Variants in RARB observed in about 807,000 individuals in gnomAD.
The protein encoded by RARB is retinoic acid receptor beta.
Under a neutral mutation model 51.9 loss-of-function variants are expected in RARB, and 17 were observed. The observed-to-expected ratio is 0.33, with a 90% CI of 0.22 to 0.49. The LOEUF is 0.49. RARB is among the 20% of genes least tolerant of loss of function. The pLI is 0.99. For synonymous variants in RARB, 215 were observed against 195.4 expected (o/e 1.10, Z -0.84); for missense variants, 369 against 550.8 (o/e 0.67, Z 3.30).
At position 25,428,845 on chromosome 3, in the gene RARB, T is replaced by C. The variant is rs1708085837; in HGVS notation, c.114T>C (p.Ser38=). 6.2e-7 allele frequency: 1 copy of C among 1,613,942 alleles called. No individual in the cohort carries two copies. Among genetic ancestry groups the C allele is most frequent in the Non-Finnish European group, 8.5e-7 (1 of 1,179,966 alleles). The change falls in exon 1 of 8, where the codon AGT becomes AGC. Residue 38 remains serine (S), a synonymous_variant. Transcript: ENST00000330688. ...AGAAAGCTCTCAAAGCATGCTTCAG[T>C]GGATTGACCCAAACCGAATGGCAGC... ...LQEKALKACF[S]GLTQTEWQHR...
Position 25,354,436 on chromosome 3 carries a change from T to C in RARB, c.179-106757T>C, listed in dbSNP as rs116195875. 3.4e-3 allele frequency among the ~76,000 whole-genome samples: 515 copies of C among 152,258 alleles called. 4 individuals are homozygous for C. The highest frequency in any genetic ancestry group is 0.011 in the African/African-American group (471 of 41,578). Reference sequence around the variant, plus strand: ...CTGTTCTTCTCGTTTCTAAAACTTATATCAACATCCTCTTGGACCCAGAAG... The same window carrying C: ...CTGTTCTTCTCGTTTCTAAAACTTACATCAACATCCTCTTGGACCCAGAAG... On this transcript the variant is annotated intron_variant, in intron 5 of 11. Coordinates refer to the RARB transcript ENST00000383772.
At chr3:25,383,302 G>A (rs1706684884) in intron 5 of RARB, among the ~76,000 whole-genome samples, 2 of 152,190 alleles carry the variant, frequency 1.3e-5, no homozygotes, top group Non-Finnish European at 2.9e-5. Flanking sequence ...CTCTCTGCCA[G>A]CCCACTGCAC....
intron 2 of RARB, among the ~76,000 whole-genome samples, chr3:24,937,668 A>G (rs1695574058): frequency 6.6e-6 from 1 of 152,132 alleles, no homozygotes; most frequent in South Asian, 2.1e-4. Context: ...GTTCAGGGAG[A>G]TAGCATCAAA....
chr3:25,404,071 C>T (rs1353071869), intron 5 of RARB, among the ~76,000 whole-genome samples: 1 of 151,958 alleles, frequency 6.6e-6, no homozygotes, highest in Admixed American at 6.6e-5. Flanking sequence ...CAGTGAAAAT[C>T]TTATTTAGAA....
At chr3:25,032,206 T>A (rs1200762169) in intron 2 of RARB, among the ~76,000 whole-genome samples, 1 of 152,218 alleles carries the variant, frequency 6.6e-6, no homozygotes, top group Admixed American at 6.5e-5. Context: ...TAAAATTGGA[T>A]TATAAAAGAC....
chr3:25,469,541 T>G (rs1695593524), intron 2 of RARB, among the ~76,000 whole-genome samples: 1 of 152,200 alleles, frequency 6.6e-6, no homozygotes, highest in African/African-American at 2.4e-5. Context: ...ATAAACTTCA[T>G]TACTATATTG....
At chr3:25,327,254 A>G (rs1371610292) in intron 5 of RARB, among the ~76,000 whole-genome samples, 1 of 152,204 alleles carries the variant, frequency 6.6e-6, no homozygotes, top group Non-Finnish European at 1.5e-5. Flanking sequence ...ATTTCCTGAG[A>G]ACTGAAGAAT....
intron 1 of RARB, among the ~76,000 whole-genome samples, chr3:24,850,757 G>A (rs543575499): frequency 2.0e-4 from 31 of 152,304 alleles, no homozygotes; most frequent in African/African-American, 7.5e-4. Flanking sequence ...AATCACCTGA[G>A]AGACTGTTCA....
intron 2 of RARB, among the ~76,000 whole-genome samples, chr3:24,861,474 C>T (rs1677405407): frequency 6.6e-6 from 1 of 151,712 alleles, no homozygotes; most frequent in South Asian, 2.1e-4. Context: ...TAATCAAGGA[C>T]CTCAAAGATC....
intron 5 of RARB, among the ~76,000 whole-genome samples, chr3:25,340,624 A>G (rs1344695317): frequency 6.6e-6 from 1 of 152,194 alleles, no homozygotes; most frequent in Non-Finnish European, 1.5e-5. Context: ...ATCTGGCTCT[A>G]CAAAGCAGGA....
chr3:25,105,054 A>G (rs28392950), intron 3 of RARB, among the ~76,000 whole-genome samples: 1 of 152,196 alleles, frequency 6.6e-6, no homozygotes, highest in Non-Finnish European at 1.5e-5. Flanking sequence ...AGTTTAATAA[A>G]AAGCATAAAA....
chr3:24,955,967 T>G (rs2125408404), intron 2 of RARB, among the ~76,000 whole-genome samples: 1 of 152,268 alleles, frequency 6.6e-6, no homozygotes, highest in African/African-American at 2.4e-5. Context: ...TTCTTGGTTA[T>G]TTGATGAAAT....
chr3:25,366,914 AT>A (rs947931889), intron 5 of RARB, among the ~76,000 whole-genome samples: 14 of 151,378 alleles, frequency 9.2e-5, no homozygotes, highest in South Asian at 4.2e-4. Flanking sequence ...AAATTTAACC[AT>A]TTTTTTTTCT....
chr3:24,930,004 A>T lies in RARB; in HGVS notation c.-380+71252A>T, dbSNP rs1695405672. 2.0e-5 allele frequency among the ~76,000 whole-genome samples: 3 copies of T among 152,222 alleles called. No individual in the cohort carries two copies. In the South Asian group the frequency reaches 6.2e-4, roughly 32 times the overall value. On this transcript the variant is annotated intron_variant, in intron 2 of 11. Transcript: ENST00000383772. ...ACAGAGTATGATAGCTCAGTAAGTT[A>T]TAAGTCTGGATATTTTAAAGGGCTA...
intron 1 of RARB, among the ~76,000 whole-genome samples, chr3:24,855,575 A>G (rs1420497307): frequency 6.6e-6 from 1 of 152,132 alleles, no homozygotes; most frequent in African/African-American, 2.4e-5. Flanking sequence ...GAGAGGGAAT[A>G]TAGTACATAT....
chr3:25,574,273 ACAT>A (rs772238910), intron 4 of RARB, among the ~76,000 whole-genome samples: 10 of 152,200 alleles, frequency 6.6e-5, no homozygotes, highest in Non-Finnish European at 1.5e-4. Context: ...TTGGAAAGTT[ACAT>A]CATCATTTGC....
chr3:25,011,612 C>G (rs544449384), intron 2 of RARB, among the ~76,000 whole-genome samples: 29 of 152,176 alleles, frequency 1.9e-4, no homozygotes, highest in African/African-American at 6.5e-4. Flanking sequence ...ATCTCAGCAG[C>G]CTACTGAAAA....
intron 5 of RARB, among the ~76,000 whole-genome samples, chr3:25,408,747 A>G (rs932647754): frequency 2.0e-5 from 3 of 152,124 alleles, no homozygotes; most frequent in Admixed American, 1.3e-4. Flanking sequence ...AAAAATAATA[A>G]CAACAGGGCC....
At chr3:25,552,200 C>T (rs1282987638) in intron 3 of RARB, among the ~76,000 whole-genome samples, 1 of 152,102 alleles carries the variant, frequency 6.6e-6, no homozygotes. Flanking sequence ...GCTGACCAAC[C>T]ATTGTGCAAT....
Sources: allele counts gnomAD v4.1 joint callset (sites outside exome capture counted in the v4.1 genomes callset), GRCh38; gene constraint gnomAD v4.1.1; transcripts MANE v1.5; gene names NCBI Gene and HGNC (gene_info 2026-07-23, HGNC 2026-07-21).